Variants in PTK2 observed in about 807,000 individuals in gnomAD.
PTK2 encodes the protein protein tyrosine kinase 2.
In PTK2, 45 loss-of-function variants were observed where a neutral mutation model predicts 150.1. The observed-to-expected ratio is 0.30, with a 90% CI of 0.24 to 0.38. The LOEUF (loss-of-function observed/expected upper bound fraction) is 0.38, where lower values mean the gene tolerates loss of function less well. PTK2 is among the 10% of genes least tolerant of loss of function. The probability of loss-of-function intolerance (pLI) is 1.00; values close to 1 mark genes in which losing one functional copy is unlikely to be tolerated. For synonymous variants in PTK2, 432 were observed against 449.2 expected, an observed-to-expected ratio of 0.96 and a Z score of 0.48; for missense variants, 919 against 1,307.3, an observed-to-expected ratio of 0.70 and a Z score of 4.58.
chr8:140,993,633 C>T (rs2100196575), intron 1 of PTK2, among the ~76,000 whole-genome samples: 1 of 152,174 alleles, frequency 6.6e-6, no homozygotes, highest in East Asian at 1.9e-4. Flanking sequence ...CAACAAGCAC[C>T]TACAGTTCAC....
rs1031714950 is a variant in PTK2 at position 140,660,699 on chromosome 8, C to G, written c.2947-1021G>C. On this transcript the variant is annotated intron_variant, in intron 31 of 31. Coordinates refer to ENST00000522684, the Ensembl canonical transcript of PTK2. ...CAAGATCGTGCCATTGCACTCCAGCCTGGGTGACAGAGCCAGACCATTATG... is the reference window on the plus strand; with the variant it reads ...CAAGATCGTGCCATTGCACTCCAGCGTGGGTGACAGAGCCAGACCATTATG... The G allele has an allele frequency of 4.5e-6, 2 of 443,778 alleles. 1 individual carries two copies. The highest frequency in any genetic ancestry group is 3.2e-5 in the South Asian group (2 of 61,564). The allele number at this position is 443,778 out of a possible 1,614,324, so 27.5% of individuals were successfully genotyped here.
intron 14 of PTK2, among the ~76,000 whole-genome samples, chr8:140,779,173 A>G (rs2100080210): frequency 6.6e-6 from 1 of 151,622 alleles, no homozygotes; most frequent in South Asian, 2.1e-4. Context: ...GAGGCAGGAG[A>G]ATAGCTTGAA....
chr8:140,717,046 G>A (rs2100040066), intron 23 of PTK2, among the ~76,000 whole-genome samples: 1 of 152,170 alleles, frequency 6.6e-6, no homozygotes, highest in Admixed American at 6.5e-5. Flanking sequence ...GGGCAAGTAA[G>A]GTCTAAGGAT....
intron 21 of PTK2, among the ~76,000 whole-genome samples, chr8:140,736,526 TC>T (rs1250895314): frequency 1.4e-5 from 1 of 72,274 alleles, no homozygotes; most frequent in Non-Finnish European, 2.4e-5. Flanking sequence ...AATCTAAAAT[TC>T]AAAAAAAAAA....
At chr8:140,697,225 C>A (rs1433861146) in intron 26 of PTK2, among the ~76,000 whole-genome samples, 1 of 148,422 alleles carries the variant, frequency 6.7e-6, no homozygotes, top group African/African-American at 2.5e-5. Flanking sequence ...TAGCACCAGG[C>A]AAACTATCTC....
At chr8:140,681,593 C>T (rs1218089795) in intron 27 of PTK2, among the ~76,000 whole-genome samples, 22 of 152,078 alleles carry the variant, frequency 1.4e-4, no homozygotes, top group Middle Eastern at 3.4e-3. Context: ...CCGGCTAACA[C>T]AGTGAAACAC....
chr8:140,762,443 C>G, intron 15 of PTK2, 55 bp from the exon 18 acceptor site: 3 of 955,346 alleles, frequency 3.1e-6, no homozygotes, highest in Non-Finnish European at 4.0e-6. Context: ...AAATAACTAA[C>G]AGCAATTAGG....
intron 2 of PTK2, among the ~76,000 whole-genome samples, chr8:140,912,654 C>T (rs940303633): frequency 6.6e-6 from 1 of 151,784 alleles, no homozygotes; most frequent in African/African-American, 2.4e-5. Flanking sequence ...TGAAAGGAAC[C>T]TTTTTCAATT....
intron 1 of PTK2, among the ~76,000 whole-genome samples, chr8:140,977,571 G>A (rs1169365081): frequency 2.0e-5 from 3 of 150,336 alleles, no homozygotes; most frequent in Admixed American, 6.6e-5. Context: ...GCAGTGAGAC[G>A]AGACAGCACC....
At chr8:140,944,715 G>A (rs936651204) in intron 1 of PTK2, among the ~76,000 whole-genome samples, 3 of 152,158 alleles carry the variant, frequency 2.0e-5, no homozygotes, top group East Asian at 1.9e-4. Flanking sequence ...AGCTTCAGCC[G>A]GCAAGTAATA....
At chr8:140,705,101 C>T (rs1009076966) in intron 24 of PTK2, among the ~76,000 whole-genome samples, 3 of 152,192 alleles carry the variant, frequency 2.0e-5, no homozygotes, top group African/African-American at 4.8e-5. Context: ...CAGAATTAGA[C>T]ATTAGAATCT....
chr8:140,797,493 C>G (rs544240286), intron 12 of PTK2, among the ~76,000 whole-genome samples: 51 of 152,234 alleles, frequency 3.4e-4, no homozygotes, highest in African/African-American at 1.2e-3. Context: ...TTTATGTCTT[C>G]TGGAATTTAT....
At chr8:140,972,032 TG>T (rs759022983) in intron 1 of PTK2, among the ~76,000 whole-genome samples, 18 of 152,350 alleles carry the variant, frequency 1.2e-4, no homozygotes, top group Non-Finnish European at 2.6e-4. Flanking sequence ...AGTATTTCGA[TG>T]TATCCTGTCA....
Position 140,864,328 on chromosome 8 carries a change from T to C in PTK2, c.434A>G (p.Asn145Ser), listed in dbSNP as rs1169038086. The C allele has an allele frequency of 3.1e-6, 5 of 1,590,272 alleles. No homozygotes were observed. The African/African-American group carries it at 6.8e-5, about 22-fold the overall frequency. The change falls in exon 5 of 32, where the codon AAT (asparagine) becomes AGT (serine). Residue 145 changes from asparagine (N) to serine (S), a missense_variant. Coordinates refer to ENST00000522684, the Ensembl canonical transcript of PTK2. The stretch of plus-strand genomic sequence containing the variant: ...CTCTAATACCTGTTGATAGAAGAAA[T>C]TCAAAGTTGGCTTATCTTCAGTAAA...
intron 1 of PTK2, among the ~76,000 whole-genome samples, chr8:140,956,861 A>T (rs1292758753): frequency 1.3e-5 from 2 of 152,172 alleles, no homozygotes; most frequent in Non-Finnish European, 2.9e-5. Context: ...CAGAAGTTCA[A>T]GGCCAGCCTG....
chr8:140,736,026 C>T (rs991352252), intron 21 of PTK2, among the ~76,000 whole-genome samples: 22 of 152,318 alleles, frequency 1.4e-4, no homozygotes, highest in South Asian at 8.3e-4. Context: ...GGCTTCAAGT[C>T]GTCTTGTCTA....
intron 16 of PTK2, among the ~76,000 whole-genome samples, chr8:140,756,168 CAAAAACTAGCCGGGT>C (rs2100065560): frequency 6.6e-6 from 1 of 151,570 alleles, no homozygotes; most frequent in Admixed American, 6.6e-5. Context: ...ACTAAAAATA[CAAAAACTAGCCGGGT>C]GTGATGGTGT....
At chr8:140,778,762 G>A (rs2100079873) in intron 14 of PTK2, among the ~76,000 whole-genome samples, 1 of 152,160 alleles carries the variant, frequency 6.6e-6, no homozygotes, top group South Asian at 2.1e-4. Flanking sequence ...GGGGTTTTAG[G>A]CTTGTTAAGA....
chr8:140,916,935 C>G (rs142504164), intron 2 of PTK2, among the ~76,000 whole-genome samples: 159 of 152,286 alleles, frequency 1.0e-3, no homozygotes, highest in African/African-American at 3.3e-3. Context: ...TCTCAGAGAG[C>G]TTACAAACAT....
Sources: allele counts gnomAD v4.1 joint callset (sites outside exome capture counted in the v4.1 genomes callset), GRCh38; gene constraint gnomAD v4.1.1; transcripts MANE v1.5; gene names NCBI Gene and HGNC (gene_info 2026-07-23, HGNC 2026-07-21).